Variants in PTPRG observed in about 807,000 individuals in gnomAD.
PTPRG encodes the protein protein tyrosine phosphatase receptor type G.
Under a neutral mutation model 165.3 loss-of-function variants are expected in PTPRG, and 102 were observed. The ratio of observed to expected loss-of-function variants is 0.62; its 90% confidence interval spans 0.53 to 0.73. PTPRG has a LOEUF of 0.73. Among genes scored for constraint, PTPRG ranks in the 30% least tolerant of loss-of-function variants. The pLI, the probability that PTPRG is intolerant of heterozygous loss-of-function variation, is 0.00. For synonymous variants in PTPRG, 675 were observed against 669.5 expected, an observed-to-expected ratio of 1.01 and a Z score of -0.13; for missense variants, 1,866 against 1,861.4, an observed-to-expected ratio of 1.00 and a Z score of -0.05.
chr3:61,806,628 G>C (rs2035426593), intron 2 of PTPRG, among the ~76,000 whole-genome samples: 1 of 152,070 alleles, frequency 6.6e-6, no homozygotes, highest in African/African-American at 2.4e-5. Flanking sequence ...TATGTGATAG[G>C]GTAGTTAGCA....
At chr3:61,999,600 G>C (rs1196656184) in intron 3 of PTPRG, among the ~76,000 whole-genome samples, 3 of 152,000 alleles carry the variant, frequency 2.0e-5, no homozygotes, top group Non-Finnish European at 4.4e-5. Flanking sequence ...TTAATTTTTA[G>C]ATTAAATTTT....
At chr3:61,789,885 G>A (rs2034818750) in intron 2 of PTPRG, among the ~76,000 whole-genome samples, 1 of 152,186 alleles carries the variant, frequency 6.6e-6, no homozygotes, top group Non-Finnish European at 1.5e-5. Context: ...CTAATCTGGG[G>A]ACAGTAAATT....
chr3:61,803,495 GT>G (rs1327434137), intron 2 of PTPRG, among the ~76,000 whole-genome samples: 132 of 126,104 alleles, frequency 1.0e-3, no homozygotes, highest in Non-Finnish European at 1.8e-3. Flanking sequence ...TGTCCATGTT[GT>G]CCAACATGGA....
intron 3 of PTPRG, among the ~76,000 whole-genome samples, chr3:61,995,678 G>T (rs974161056): frequency 3.2e-5 from 3 of 92,310 alleles, no homozygotes; most frequent in African/African-American, 1.3e-4. Flanking sequence ...CTGCCTGCCC[G>T]CCCGCCTTCC....
Position 62,192,406 on chromosome 3 carries a change from T to G in PTPRG, c.1218+753T>G, listed in dbSNP as rs1216399385. ...CACAACTACTGTCTTTTTTTTTTTT[T>G]TTTTTTTTTTTTTTTTTTTTGAGAC... On this transcript the variant is annotated intron_variant, in intron 9 of 29. Coordinates refer to ENST00000474889, the MANE Select transcript of PTPRG (RefSeq NM_002841.4). Among the ~76,000 whole-genome samples, 794 of 119,318 alleles carry G rather than the reference T, an allele frequency of 6.7e-3. 16 individuals are homozygous for G. Among genetic ancestry groups the G allele is most frequent in the African/African-American group, 0.024 (761 of 32,274 alleles). 78.3% of individuals were successfully genotyped at this position (119,318 alleles called of 152,430 possible). A position where few individuals can be genotyped will look rare whatever the true frequency, so the allele number is the denominator to read the frequency against.
At chr3:61,978,395 T>C (rs1248592765) in intron 2 of PTPRG, among the ~76,000 whole-genome samples, 2 of 152,236 alleles carry the variant, frequency 1.3e-5, no homozygotes, top group Non-Finnish European at 2.9e-5. Context: ...CTTCTTATAC[T>C]TTTATATATT....
intron 8 of PTPRG, among the ~76,000 whole-genome samples, chr3:62,177,942 T>C (rs28447377): frequency 0.29 from 43,927 of 151,156 alleles, 6,855 homozygotes; most frequent in African/African-American, 0.41. Flanking sequence ...CCATAAGTTC[T>C]GTGAGGGGTG....
rs141737383 is a variant in PTPRG, at chr3:62,238,979, A to C, written c.2376-4828A>C. Among the ~76,000 whole-genome samples, 3 of 152,324 alleles carry C rather than the reference A, an allele frequency of 2.0e-5. No homozygotes were observed. The South Asian group carries it at 6.2e-4, about 32-fold the overall frequency. Reference sequence around the variant, plus strand: ...ATGTTACCTGGCCTCAGTTTCTTAAAGGGCACAGACAGCACCCAGGCGTTG... The same window carrying C: ...ATGTTACCTGGCCTCAGTTTCTTAACGGGCACAGACAGCACCCAGGCGTTG... On this transcript the variant is annotated intron_variant, in intron 14 of 29. Transcript: ENST00000474889.
In PTPRG at chr3:61,562,275, T is replaced by A; in HGVS notation, c.-13T>A. 6.2e-7 allele frequency: 1 copy of A among 1,612,248 alleles called. No homozygotes were observed. Among genetic ancestry groups the A allele is most frequent in the Non-Finnish European group, 8.5e-7 (1 of 1,178,380 alleles). On this transcript the variant is annotated 5_prime_UTR_variant, in exon 1 of 30. Transcript: ENST00000474889. ...CCTCCCTGCTTTCCTCTTTTCGATG[T>A]GCGTTTTCGGACATGCGGAGGTTAC... is the stretch of plus-strand genomic sequence containing the variant.
In PTPRG at chr3:62,217,543, G is replaced by C. The variant is rs1195078815; in HGVS notation, c.2156-1308G>C. ...CTCTGCATTTAGTCCATCCTGCAGA[G>C]GGACACTCCGGGCTGGCTGAACGCT... On this transcript the variant is annotated intron_variant, in intron 12 of 29. Coordinates refer to ENST00000474889, the MANE Select transcript of PTPRG (RefSeq NM_002841.4). This position sits in a 1 kb window ranked among gnomAD's most constrained non-coding sequence, Gnocchi z 4.3. 6.6e-6 allele frequency: 1 copy of C among 152,278 alleles called. No homozygotes were observed. Among genetic ancestry groups the C allele is most frequent in the African/African-American group, 2.4e-5 (1 of 41,468 alleles). 9.4% of individuals were successfully genotyped at this position (152,278 alleles called of 1,614,324 possible).
At position 61,748,958 on chromosome 3, in the gene PTPRG, G is replaced by C; in HGVS notation, c.166G>C (p.Gly56Arg). The C allele has an allele frequency of 6.2e-7, 1 of 1,611,772 alleles. No homozygotes were observed. The highest frequency in any genetic ancestry group is 8.5e-7 in the Non-Finnish European group (1 of 1,178,982). The part of the protein sequence containing the change: ...AVQIRRRKAS[G>R]DPYWAYSGAY... ...GCAGATCCGCAGGCGCAAGGCTTCA[G>C]GCGACCCGTACTGGGCCTACTCTGG... is the stretch of plus-strand genomic sequence containing the variant. Residue 56 changes from glycine (G) to arginine (R), a missense_variant, in exon 2 of 30, where the codon GGC becomes CGC. This residue lies in a region of PTPRG where 408 missense variants were observed against 376.2 expected (regional missense o/e 1.08). Transcript: ENST00000474889.
chr3:62,076,701 C>T (rs1701399668), intron 4 of PTPRG, among the ~76,000 whole-genome samples: 1 of 152,066 alleles, frequency 6.6e-6, no homozygotes, highest in Admixed American at 6.5e-5. Flanking sequence ...CCTGCCTCAG[C>T]CTCCCGAGTA....
chr3:61,652,545 T>C (rs1702384066), intron 1 of PTPRG, among the ~76,000 whole-genome samples: 1 of 151,642 alleles, frequency 6.6e-6, no homozygotes, highest in African/African-American at 2.4e-5. Flanking sequence ...GTGGAGCAAA[T>C]GTTCCCCTTC....
intron 1 of PTPRG, among the ~76,000 whole-genome samples, chr3:61,682,341 G>A (rs1022054749): frequency 1.3e-5 from 2 of 151,950 alleles, no homozygotes; most frequent in African/African-American, 4.8e-5. Context: ...GGGTCCAAGG[G>A]GCATGATATC....
intron 2 of PTPRG, among the ~76,000 whole-genome samples, chr3:61,817,699 G>A (rs992898782): frequency 3.3e-5 from 5 of 152,204 alleles, no homozygotes; most frequent in Admixed American, 1.3e-4. Context: ...TCTCAAATCA[G>A]CTGCATATTG....
At chr3:61,876,166 C>T (rs1314751849) in intron 2 of PTPRG, among the ~76,000 whole-genome samples, 1 of 152,154 alleles carries the variant, frequency 6.6e-6, no homozygotes, top group Non-Finnish European at 1.5e-5. Flanking sequence ...AACTGTACTC[C>T]AGTCCTGGGA....
At chr3:61,972,643 CT>C (rs368661045) in intron 2 of PTPRG, among the ~76,000 whole-genome samples, 2 of 145,260 alleles carry the variant, frequency 1.4e-5, no homozygotes, top group African/African-American at 2.6e-5. Flanking sequence ...CGTTCTTTTT[CT>C]TTTTTTTTCT....
At chr3:61,778,850 G>C (rs906613735) in intron 2 of PTPRG, among the ~76,000 whole-genome samples, 1 of 152,076 alleles carries the variant, frequency 6.6e-6, no homozygotes, top group Non-Finnish European at 1.5e-5. Context: ...AGGACCACGT[G>C]GTGGGAAAAG....
intron 2 of PTPRG, among the ~76,000 whole-genome samples, chr3:61,979,377 C>G (rs1010741284): frequency 3.3e-5 from 5 of 152,050 alleles, no homozygotes; most frequent in African/African-American, 9.7e-5. Flanking sequence ...TTTGCCTTAC[C>G]CTAGTCCTAT....
Sources: gnomAD v4.1 joint callset for allele counts (sites outside exome capture counted in the v4.1 genomes callset) on GRCh38, gnomAD v4.1.1 for gene constraint, gnomAD v4.1.1 regional missense constraint, Gnocchi (gnomAD v3.1) non-coding constraint, MANE v1.5 for transcripts, NCBI Gene and HGNC (gene_info 2026-07-23, HGNC 2026-07-21) for gene names.